MYCBP2: variants seen among roughly 807,000 people sequenced by gnomAD.
The protein encoded by MYCBP2 is E3 ubiquitin-protein ligase MYCBP2.
MYCBP2 carries 120 observed loss-of-function variants against 525.3 expected under a neutral mutation model. The observed-to-expected ratio is 0.23, with a 90% confidence interval of 0.20 to 0.27. The LOEUF is 0.27. Among genes scored for constraint, MYCBP2 ranks in the 10% least tolerant of loss-of-function variants. The pLI is 1.00. For missense variants in MYCBP2, 4,149 were observed against 5,657.1 expected (o/e 0.73, Z 8.55); for synonymous variants, 1,894 against 1,955.8 (o/e 0.97, Z 0.83).
intron 69 of MYCBP2, 120 bp downstream of exon 69, chr13:77,070,511 A>G: frequency 1.7e-6 from 1 of 596,888 alleles, no homozygotes; most frequent in Non-Finnish European, 2.8e-6. Context: ...TGGCCCAGGG[A>G]AGCCAAAAGA....
In MYCBP2 at chr13:77,104,232, T is replaced by C. The variant is rs1009681006; in HGVS notation, c.8141-5219A>G. 8.5e-5 allele frequency among the ~76,000 whole-genome samples: 13 copies of C among 152,192 alleles called. No homozygotes were observed. In the East Asian group the frequency reaches 2.3e-3, roughly 27 times the overall value. On this transcript the variant is annotated intron_variant, in intron 55 of 82. Transcript: ENST00000544440. ...ATAAACTAGACATAACACACACTTT[T>C]CTTAAAAAAAGTGCTGTTTTCGGCT...
chr13:77,202,544 T>G (rs889521260), intron 26 of MYCBP2, among the ~76,000 whole-genome samples: 10 of 152,120 alleles, frequency 6.6e-5, no homozygotes, highest in Admixed American at 6.5e-4. Flanking sequence ...ACTCATTTTA[T>G]GAGGCCAGCA....
rs549628092 is a variant in MYCBP2 at position 77,213,616 on chromosome 13, T to C, written c.3058-1456A>G. On this transcript the variant is annotated intron_variant, in intron 21 of 82. Coordinates refer to ENST00000544440, the MANE Select transcript of MYCBP2 (RefSeq NM_015057.5). ...TGTATTCCCTTACTACCAACTAATATGAAGAAAAGCAGTCCAAAAATGTGT... is the reference window on the plus strand; with the variant it reads ...TGTATTCCCTTACTACCAACTAATACGAAGAAAAGCAGTCCAAAAATGTGT... 3.3e-5 allele frequency among the ~76,000 whole-genome samples: 5 copies of C among 152,326 alleles called. No homozygotes were observed. In the South Asian group the frequency reaches 1.0e-3, roughly 32 times the overall value.
chr13:77,067,986 G>A, intron 70 of MYCBP2, 122 bp from the exon 71 acceptor site: 1 of 928,704 alleles, frequency 1.1e-6, no homozygotes, highest in South Asian at 1.8e-5. Context: ...GGAGTGCAGT[G>A]GAGCAACCAC....
At chr13:77,188,134 T>C (rs2060925375) in intron 30 of MYCBP2, among the ~76,000 whole-genome samples, 1 of 150,842 alleles carries the variant, frequency 6.6e-6, no homozygotes, top group African/African-American at 2.4e-5. Context: ...AGTAGGTATA[T>C]ATGGTGATCA....
At chr13:77,290,566 C>A (rs1032545658) in intron 2 of MYCBP2, among the ~76,000 whole-genome samples, 2 of 152,166 alleles carry the variant, frequency 1.3e-5, no homozygotes, top group Non-Finnish European at 2.9e-5. Flanking sequence ...GTGTGTGAAT[C>A]TCAAAGACAT....
chr13:77,184,351 C>G (rs982157818), intron 32 of MYCBP2, among the ~76,000 whole-genome samples: 3 of 152,110 alleles, frequency 2.0e-5, no homozygotes, highest in African/African-American at 7.2e-5. Flanking sequence ...AAAATATATT[C>G]TTTCACATTT....
chr13:77,094,606 C>T (rs960847154), intron 58 of MYCBP2, among the ~76,000 whole-genome samples: 1 of 152,242 alleles, frequency 6.6e-6, no homozygotes, highest in African/African-American at 2.4e-5. Context: ...CTTTAACAAC[C>T]CGTGATTCCT....
intron 69 of MYCBP2, among the ~76,000 whole-genome samples, chr13:77,069,529 G>A (rs971133547): frequency 2.6e-5 from 4 of 151,616 alleles, no homozygotes; most frequent in Non-Finnish European, 4.4e-5. Context: ...CATGAGGTCA[G>A]GAGATCGAGA....
chr13:77,178,355 G>A (rs181525083), intron 34 of MYCBP2, among the ~76,000 whole-genome samples: 2 of 152,212 alleles, frequency 1.3e-5, no homozygotes, highest in Non-Finnish European at 2.9e-5. Flanking sequence ...GCAGAGATAG[G>A]TGTGCAAGGA....
At chr13:77,108,190 TC>T (rs2048151539) in intron 55 of MYCBP2, among the ~76,000 whole-genome samples, 1 of 152,102 alleles carries the variant, frequency 6.6e-6, no homozygotes. Context: ...TAAAGTGGAT[TC>T]CCCCCAAAAT....
chr13:77,063,278 C>T (rs2154075213), intron 73 of MYCBP2, among the ~76,000 whole-genome samples: 1 of 152,224 alleles, frequency 6.6e-6, no homozygotes, highest in South Asian at 2.1e-4. Flanking sequence ...CAAAATAGGG[C>T]CGGGCACAGT....
chr13:77,268,049 T>A, intron 7 of MYCBP2, 112 bp from the exon 8 acceptor site: 1 of 628,830 alleles, frequency 1.6e-6, no homozygotes, highest in Non-Finnish European at 2.8e-6. Flanking sequence ...ACATCAATAT[T>A]GATGTCTAAA....
At chr13:77,100,279 C>G (rs2046871133) in intron 55 of MYCBP2, 1 of 152,050 alleles carries the variant, frequency 6.6e-6, no homozygotes, top group Non-Finnish European at 1.5e-5. Flanking sequence ...TATAGTCACG[C>G]TCTATTTCTC....
chr13:77,145,111 T>A (rs1334300807), intron 48 of MYCBP2, among the ~76,000 whole-genome samples: 1 of 152,232 alleles, frequency 6.6e-6, no homozygotes, highest in Non-Finnish European at 1.5e-5. Flanking sequence ...CTCCGATTTA[T>A]ATCAAACTCC....
intron 46 of MYCBP2, among the ~76,000 whole-genome samples, chr13:77,151,232 A>C: frequency 6.6e-6 from 1 of 152,218 alleles, no homozygotes; most frequent in Non-Finnish European, 1.5e-5. Context: ...AATAAAGTAC[A>C]GGAAAAGATA....
intron 1 of MYCBP2, among the ~76,000 whole-genome samples, chr13:77,325,829 C>T (rs921196476): frequency 6.6e-6 from 1 of 152,174 alleles, no homozygotes; most frequent in African/African-American, 2.4e-5. Flanking sequence ...CTCTAAAAAT[C>T]TCTATCAGAC....
chr13:77,238,242 C>CAAAAAAAAA (rs772175406), intron 17 of MYCBP2, among the ~76,000 whole-genome samples: 4 of 28,304 alleles, frequency 1.4e-4, no homozygotes, highest in African/African-American at 4.3e-4. Context: ...GACTCCGTCT[C>CAAAAAAAAA]AAAAAAAAAA....
chr13:77,315,990 A>C (rs975381457), intron 1 of MYCBP2, among the ~76,000 whole-genome samples: 21 of 152,000 alleles, frequency 1.4e-4, no homozygotes, highest in African/African-American at 5.1e-4. Flanking sequence ...GAGGCCATTG[A>C]AACACCTACA....
Sources: gnomAD v4.1 joint callset for allele counts (sites outside exome capture counted in the v4.1 genomes callset) on GRCh38, gnomAD v4.1.1 for gene constraint, MANE v1.5 for transcripts, NCBI Gene and HGNC (gene_info 2026-07-23, HGNC 2026-07-21) for gene names.